The following TRAPPC9 variants were observed in gnomAD, a reference collection of about 807,000 sequenced individuals.
The protein encoded by TRAPPC9 is trafficking protein particle complex subunit 9, also known as IKK2 binding protein.
In TRAPPC9, 83 loss-of-function variants were observed where a neutral mutation model predicts 124.0. The observed-to-expected ratio is 0.67, with a 90% CI of 0.56 to 0.80. The LOEUF is 0.80. TRAPPC9 is among the 30% of genes least tolerant of loss of function. The pLI, the probability that TRAPPC9 is intolerant of heterozygous loss-of-function variation, is 0.00. For synonymous variants in TRAPPC9, 638 were observed against 617.5 expected (o/e 1.03, Z -0.49); for missense variants, 1,302 against 1,508.3 (o/e 0.86, Z 2.27).
chr8:140,444,474 A>G (rs2071166300), intron 2 of TRAPPC9, among the ~76,000 whole-genome samples: 1 of 152,036 alleles, frequency 6.6e-6, no homozygotes, highest in Non-Finnish European at 1.5e-5. Flanking sequence ...TGGCCACATC[A>G]TTCCCTTCGG....
At chr8:139,847,212 G>A (rs1236452405) in intron 21 of TRAPPC9, among the ~76,000 whole-genome samples, 1 of 152,254 alleles carries the variant, frequency 6.6e-6, no homozygotes, top group Admixed American at 6.5e-5. Context: ...TTTGCCAGCA[G>A]AGCTGAATGC....
chr8:140,084,340 T>C (rs966976478), intron 17 of TRAPPC9, among the ~76,000 whole-genome samples: 1 of 152,174 alleles, frequency 6.6e-6, no homozygotes, highest in Non-Finnish European at 1.5e-5. Flanking sequence ...AAAAATATTA[T>C]TAGTCTCCTC....
At chr8:140,455,675 C>T (rs988549909) in intron 1 of TRAPPC9, among the ~76,000 whole-genome samples, 8 of 150,756 alleles carry the variant, frequency 5.3e-5, no homozygotes, top group African/African-American at 2.0e-4. Flanking sequence ...GTGATCTGCC[C>T]GCCTCGGCCT....
At chr8:140,419,625 C>T (rs1046830446) in intron 5 of TRAPPC9, among the ~76,000 whole-genome samples, 5 of 151,718 alleles carry the variant, frequency 3.3e-5, no homozygotes, top group African/African-American at 1.2e-4. Flanking sequence ...GTGGCTCACG[C>T]TTGTAATTCC....
chr8:140,136,164 G>C (rs1054542621), intron 17 of TRAPPC9, among the ~76,000 whole-genome samples: 2 of 152,068 alleles, frequency 1.3e-5, no homozygotes, highest in Non-Finnish European at 2.9e-5. Flanking sequence ...AAAAAAAATA[G>C]ACAAGGGCAG....
chr8:140,371,458 T>A (rs1007716244), intron 7 of TRAPPC9, among the ~76,000 whole-genome samples: 1 of 152,216 alleles, frequency 6.6e-6, no homozygotes, highest in Non-Finnish European at 1.5e-5. Flanking sequence ...TACTTTAAGT[T>A]CCTTCACAAA....
At chr8:140,109,578 G>C (rs2060726269) in intron 17 of TRAPPC9, among the ~76,000 whole-genome samples, 1 of 152,134 alleles carries the variant, frequency 6.6e-6, no homozygotes, top group Non-Finnish European at 1.5e-5. Context: ...CAGGGTTAAG[G>C]ATTAAATAAG....
At chr8:139,867,586 G>A (rs535965262) in intron 21 of TRAPPC9, among the ~76,000 whole-genome samples, 101 of 152,268 alleles carry the variant, frequency 6.6e-4, no homozygotes, top group Middle Eastern at 3.4e-3. Context: ...AACCATCACC[G>A]GCAATGGTAC....
At chr8:139,797,281 A>G (rs1823166254) in intron 21 of TRAPPC9, among the ~76,000 whole-genome samples, 1 of 151,974 alleles carries the variant, frequency 6.6e-6, no homozygotes, top group Non-Finnish European at 1.5e-5. Flanking sequence ...TTTTTTTGAG[A>G]TGGAGTCTTG....
intron 19 of TRAPPC9, among the ~76,000 whole-genome samples, chr8:139,975,275 C>T (rs1025350102): frequency 3.3e-5 from 5 of 152,214 alleles, no homozygotes; most frequent in African/African-American, 4.8e-5. Flanking sequence ...CACTGGCCTC[C>T]GCATTTCGCT....
chr8:140,028,434 G>A (rs1192285885), intron 17 of TRAPPC9, among the ~76,000 whole-genome samples: 2 of 152,216 alleles, frequency 1.3e-5, no homozygotes, highest in East Asian at 3.9e-4. Flanking sequence ...GCCAAGTGCT[G>A]CACTGAGTGA....
chr8:139,732,335 T>A, intron 21 of TRAPPC9, 133 bp from the exon 22 acceptor site: 3 of 829,946 alleles, frequency 3.6e-6, no homozygotes, highest in Non-Finnish European at 5.6e-6. Context: ...CCTGCCAGGC[T>A]GGACACTGGG....
rs187033987 is a variant in TRAPPC9 at position 139,808,439 on chromosome 8, C to T, written c.3056-76237G>A. 2.8e-4 allele frequency among the ~76,000 whole-genome samples: 43 copies of T among 152,276 alleles called. No individual in the cohort carries two copies. The East Asian group carries it at 5.8e-3, about 21-fold the overall frequency. ...TGGTGCCACTGCACTCAAGCCTGAG[C>T]GACAGCGCAAGACTCCATTTCAAAA... On this transcript the variant is annotated intron_variant, in intron 21 of 22. Coordinates refer to ENST00000438773, the MANE Select transcript of TRAPPC9 (RefSeq NM_001160372.4).
intron 17 of TRAPPC9, among the ~76,000 whole-genome samples, chr8:140,173,222 T>A (rs1379133481): frequency 1.3e-5 from 2 of 152,142 alleles, no homozygotes; most frequent in African/African-American, 2.4e-5. Flanking sequence ...ATGGAACAGA[T>A]GGGGCAGTGG....
chr8:140,331,617 A>AATCATCACCATC (rs1554669158), intron 9 of TRAPPC9, among the ~76,000 whole-genome samples: 4 of 150,610 alleles, frequency 2.7e-5, no homozygotes, highest in Non-Finnish European at 3.0e-5. Context: ...AACAGCAAAA[A>AATCATCACCATC]ATCATCATCA....
intron 17 of TRAPPC9, among the ~76,000 whole-genome samples, chr8:140,061,682 GCT>G (rs1563730904): frequency 1.3e-5 from 2 of 152,212 alleles, no homozygotes; most frequent in Non-Finnish European, 2.9e-5. Flanking sequence ...CTGGGCACTT[GCT>G]CTAATCACAA....
intron 18 of TRAPPC9, among the ~76,000 whole-genome samples, chr8:139,998,752 A>C (rs1029831645): frequency 6.6e-6 from 1 of 151,808 alleles, no homozygotes; most frequent in African/African-American, 2.4e-5. Context: ...AAAACAAAAC[A>C]AAAAAAAACA....
Position 140,231,531 on chromosome 8 carries a change from C to T in TRAPPC9, c.2432-9948G>A, listed in dbSNP as rs567986531. On this transcript the variant is annotated intron_variant, in intron 16 of 22. Transcript: ENST00000438773. ...TTTTTGAGATGGAGTCTTGCTCTGT[C>T]GCCCAGGCTGGATTACAGTGGTGCA... 3.6e-3 allele frequency among the ~76,000 whole-genome samples: 424 copies of T among 117,116 alleles called. 3 individuals carry two copies. Among genetic ancestry groups the T allele is most frequent in the African/African-American group, 0.014 (414 of 28,692 alleles). The allele number at this position is 117,116 out of a possible 152,430, so 76.8% of individuals were successfully genotyped here.
intron 18 of TRAPPC9, among the ~76,000 whole-genome samples, chr8:140,020,028 A>AT (rs112616210): frequency 0.16 from 24,400 of 151,976 alleles, 2,061 homozygotes; most frequent in African/African-American, 0.22. Context: ...ATGTTTTATG[A>AT]TTTTTAATAA....
Sources: gnomAD v4.1 joint callset for allele counts (sites outside exome capture counted in the v4.1 genomes callset) on GRCh38, gnomAD v4.1.1 for gene constraint, MANE v1.5 for transcripts, NCBI Gene and HGNC (gene_info 2026-07-23, HGNC 2026-07-21) for gene names.